SEC31A: variants seen among roughly 807,000 people sequenced by gnomAD.
SEC31A encodes protein transport protein Sec31A.
Under a neutral mutation model 151.0 loss-of-function variants are expected in SEC31A, and 70 were observed. The observed-to-expected ratio is 0.46, with a 90% CI of 0.38 to 0.57. The LOEUF (loss-of-function observed/expected upper bound fraction) is 0.57. Ranked by LOEUF, SEC31A falls within the 20% of genes least tolerant of loss-of-function variation. SEC31A has a pLI of 0.00. For missense variants in SEC31A, 1,330 were observed against 1,471.2 expected (o/e 0.90, Z 1.57); for synonymous variants, 475 against 505.9 (o/e 0.94, Z 0.82).
chr4:82,882,960 A>T (rs893579327), intron 1 of SEC31A, among the ~76,000 whole-genome samples: 1 of 152,214 alleles, frequency 6.6e-6, no homozygotes, highest in Non-Finnish European at 1.5e-5. Context: ...TCTATTAAAA[A>T]TACAAGAAAA....
intron 14 of SEC31A, among the ~76,000 whole-genome samples, chr4:82,861,124 T>C (rs1228727210): frequency 6.6e-6 from 1 of 151,266 alleles, no homozygotes; most frequent in Non-Finnish European, 1.5e-5. Context: ...TGTAACTCTG[T>C]GTTCAAGGAC....
chr4:82,834,670 C>T (rs1200141655), intron 22 of SEC31A, among the ~76,000 whole-genome samples: 1 of 152,124 alleles, frequency 6.6e-6, no homozygotes, highest in Non-Finnish European at 1.5e-5. Flanking sequence ...TCCTCCTAAC[C>T]TCAAACCATG....
At chr4:82,882,837 G>A (rs1487299938) in intron 1 of SEC31A, among the ~76,000 whole-genome samples, 1 of 152,194 alleles carries the variant, frequency 6.6e-6, no homozygotes, top group Non-Finnish European at 1.5e-5. Context: ...CTTTGATGGA[G>A]TCAGGCATGG....
chr4:82,857,944 C>T, intron 14 of SEC31A, 180 bp from the exon 15 acceptor site: 1 of 467,854 alleles, frequency 2.1e-6, no homozygotes, highest in Non-Finnish European at 3.9e-6. Context: ...TATTACCTCC[C>T]ATTATATAAT....
chr4:82,841,897 G>A (rs539683425), intron 22 of SEC31A, among the ~76,000 whole-genome samples: 8 of 151,576 alleles, frequency 5.3e-5, no homozygotes, highest in African/African-American at 1.5e-4. Flanking sequence ...GCTTGAACCC[G>A]GAAGGCAGAG....
chr4:82,874,873 C>T, intron 5 of SEC31A, 122 bp from the exon 6 acceptor site: 3 of 1,209,274 alleles, frequency 2.5e-6, no homozygotes, highest in Non-Finnish European at 3.4e-6. Flanking sequence ...ATTTATGCCA[C>T]AAATTTGCTT....
upstream of SEC31A, among the ~76,000 whole-genome samples, chr4:82,896,221 C>T (rs768074524): frequency 6.8e-4 from 103 of 152,000 alleles, 1 homozygote; most frequent in Non-Finnish European, 1.2e-3. Flanking sequence ...TTAACAGAAC[C>T]AACTCTTTCT....
chr4:82,862,481 G>A (rs375540488), intron 13 of SEC31A, 53 bp downstream of exon 13: 31 of 1,399,028 alleles, frequency 2.2e-5, no homozygotes, highest in South Asian at 5.9e-5. Flanking sequence ...TTCCTTCTTC[G>A]TTATGACCTA....
In SEC31A at chr4:82,854,299, GT is replaced by G. The variant is rs369143516; in HGVS notation, c.2009-585del. 1.1e-3 allele frequency among the ~76,000 whole-genome samples: 161 copies of G among 150,050 alleles called. 1 individual carries two copies. Among genetic ancestry groups the G allele is most frequent in the African/African-American group, 3.8e-3 (153 of 40,434 alleles). On this transcript the variant is annotated intron_variant, in intron 17 of 26. Coordinates refer to ENST00000395310, the MANE Select transcript of SEC31A (RefSeq NM_001077207.4). ...AATCACTTGAACGCAGGGGGTGGAG[GT>G]TGCAGTGAGCCAAGATTGTGCCATC...
chr4:82,889,171 A>G (rs1741657245), intron 1 of SEC31A, among the ~76,000 whole-genome samples: 1 of 152,244 alleles, frequency 6.6e-6, no homozygotes, highest in South Asian at 2.1e-4. Context: ...AATTGGTGTC[A>G]TACTAATCTT....
intron 22 of SEC31A, among the ~76,000 whole-genome samples, chr4:82,835,058 GC>G (rs1726885882): frequency 6.6e-6 from 1 of 152,054 alleles, no homozygotes; most frequent in Non-Finnish European, 1.5e-5. Context: ...TGTTGGCCAG[GC>G]TGGTCTCGAA....
chr4:82,859,396 A>G (rs1369001939), intron 14 of SEC31A, among the ~76,000 whole-genome samples: 1 of 152,236 alleles, frequency 6.6e-6, no homozygotes, highest in Non-Finnish European at 1.5e-5. Flanking sequence ...TTTCTCTCCC[A>G]TGCATAAAAA....
intron 22 of SEC31A, among the ~76,000 whole-genome samples, chr4:82,830,409 A>C (rs1181599747): frequency 6.6e-6 from 1 of 152,192 alleles, no homozygotes; most frequent in Non-Finnish European, 1.5e-5. Flanking sequence ...GCAGTGAACC[A>C]AGATTGTGTC....
chr4:82,889,840 C>T (rs910333807), intron 1 of SEC31A, among the ~76,000 whole-genome samples: 2 of 152,106 alleles, frequency 1.3e-5, no homozygotes, highest in African/African-American at 2.4e-5. Context: ...AAAAACACTA[C>T]GAGTTATCCA....
intron 1 of SEC31A, among the ~76,000 whole-genome samples, chr4:82,890,181 G>T (rs979065380): frequency 6.7e-5 from 9 of 134,768 alleles, no homozygotes; most frequent in South Asian, 4.8e-4. Flanking sequence ...CAGCCTGGGT[G>T]ACAGAGCGAG....
chr4:82,835,511 G>A (rs10021591), intron 22 of SEC31A, among the ~76,000 whole-genome samples: 68,965 of 152,120 alleles, frequency 0.45, 18,218 homozygotes, highest in Admixed American at 0.6. Flanking sequence ...TAAGAAAAAA[G>A]TAAGGTCAGG....
In SEC31A at chr4:82,836,372, C is replaced by CAAAAA. The variant is rs70943158; in HGVS notation, c.2968+5763_2968+5767dup. On this transcript the variant is annotated intron_variant, in intron 22 of 26. Coordinates refer to ENST00000395310, the MANE Select transcript of SEC31A (RefSeq NM_001077207.4). ...TGGGCAACAGAGTGAGACTCCATCT[C>CAAAAA]AAAAAAAAAAAAAAAAAAAAGAAAA... is the stretch of plus-strand genomic sequence containing the variant. Among the ~76,000 whole-genome samples the CAAAAA allele has an allele frequency of 4.6e-3, 285 of 62,032 alleles. 2 individuals carry two copies. The highest frequency in any genetic ancestry group is 6.6e-3 in the Non-Finnish European group (195 of 29,500). The allele number at this position is 62,032 out of a possible 152,430, so 40.7% of individuals were successfully genotyped here. A position where few individuals can be genotyped will look rare whatever the true frequency, so the allele number is the denominator to read the frequency against.
intron 19 of SEC31A, 120 bp from the exon 20 acceptor site, chr4:82,849,097 T>G: frequency 1.1e-6 from 1 of 879,998 alleles, no homozygotes; most frequent in Non-Finnish European, 1.7e-6. Context: ...ATGCTGGGTA[T>G]TATACAATAG....
intron 8 of SEC31A, among the ~76,000 whole-genome samples, chr4:82,868,165 T>G (rs1735814963): frequency 6.6e-6 from 1 of 152,102 alleles, no homozygotes; most frequent in African/African-American, 2.4e-5. Flanking sequence ...ATTAACAGCT[T>G]CCTTTAGAAA....
Sources: allele counts gnomAD v4.1 joint callset (sites outside exome capture counted in the v4.1 genomes callset), GRCh38; gene constraint gnomAD v4.1.1; transcripts MANE v1.5; gene names NCBI Gene and HGNC (gene_info 2026-07-23, HGNC 2026-07-21).